DOCK3: variants seen among roughly 807,000 people sequenced by gnomAD.
DOCK3 encodes dedicator of cytokinesis 3, also known as dedicator of cytokinesis protein 3.
In DOCK3, 60 loss-of-function variants were observed where a neutral mutation model predicts 265.6. The ratio of observed to expected loss-of-function variants is 0.23; its 90% CI spans 0.18 to 0.28. The LOEUF (loss-of-function observed/expected upper bound fraction) is 0.28. Among genes scored for constraint, DOCK3 ranks in the 10% least tolerant of loss-of-function variants. The pLI is 1.00. For synonymous variants in DOCK3, 881 were observed against 938.0 expected (o/e 0.94, Z 1.11); for missense variants, 1,981 against 2,594.3 (o/e 0.76, Z 5.14).
intron 1 of DOCK3, among the ~76,000 whole-genome samples, chr3:50,763,200 C>CT (rs1332788027): frequency 6.6e-6 from 1 of 152,168 alleles, no homozygotes; most frequent in Non-Finnish European, 1.5e-5. Context: ...TCTGTCTGGT[C>CT]TTGGACCTGT....
intron 12 of DOCK3, among the ~76,000 whole-genome samples, chr3:51,197,778 G>A (rs1270090886): frequency 1.3e-5 from 2 of 152,112 alleles, no homozygotes; most frequent in Non-Finnish European, 2.9e-5. Context: ...ATAGAGGGTG[G>A]GGTCATTCTT....
At chr3:51,019,098 G>A (rs1473174955) in intron 5 of DOCK3, among the ~76,000 whole-genome samples, 2 of 151,750 alleles carry the variant, frequency 1.3e-5, no homozygotes. Flanking sequence ...GCTGTCAGTG[G>A]TGTCTTTGGT....
At chr3:50,883,326 G>T (rs1235298868) in intron 3 of DOCK3, among the ~76,000 whole-genome samples, 1 of 151,808 alleles carries the variant, frequency 6.6e-6, no homozygotes, top group Non-Finnish European at 1.5e-5. Context: ...ACAAGGAGAA[G>T]TTTTTTCTTT....
intron 1 of DOCK3, among the ~76,000 whole-genome samples, chr3:50,718,995 A>G (rs560171283): frequency 6.6e-6 from 1 of 152,036 alleles, no homozygotes; most frequent in African/African-American, 2.4e-5. Context: ...TGTGTTAGCC[A>G]GGATGGTCTC....
chr3:50,923,142 C>T (rs895513543), intron 4 of DOCK3, among the ~76,000 whole-genome samples: 3 of 152,100 alleles, frequency 2.0e-5, no homozygotes, highest in Non-Finnish European at 4.4e-5. Context: ...TATATATACA[C>T]CACAGTTTCT....
At chr3:51,111,130 G>A (rs147574143) in intron 9 of DOCK3, among the ~76,000 whole-genome samples, 26 of 152,274 alleles carry the variant, frequency 1.7e-4, no homozygotes, top group African/African-American at 6.3e-4. Flanking sequence ...TCAAGGAGGT[G>A]AGAGATCTCT....
intron 4 of DOCK3, among the ~76,000 whole-genome samples, chr3:50,916,181 T>C (rs983503862): frequency 6.6e-6 from 1 of 152,036 alleles, no homozygotes; most frequent in African/African-American, 2.4e-5. Flanking sequence ...TTTAAGTTCC[T>C]ATGAGGACTG....
At chr3:50,717,565 T>C (rs754496948) in intron 1 of DOCK3, among the ~76,000 whole-genome samples, 3 of 152,162 alleles carry the variant, frequency 2.0e-5, no homozygotes, top group Non-Finnish European at 4.4e-5. Context: ...ACCTACAGAA[T>C]AGTGTTTATT....
chr3:51,107,438 A>G (rs2083329904), intron 9 of DOCK3, among the ~76,000 whole-genome samples: 2 of 152,244 alleles, frequency 1.3e-5, no homozygotes, highest in African/African-American at 4.8e-5. Context: ...ACGTTGAAAC[A>G]CAATCTAAGG....
chr3:51,210,528 A>T lies in DOCK3; in HGVS notation c.1126+1666A>T, dbSNP rs199869948. Among the ~76,000 whole-genome samples, 5 of 152,142 alleles carry T rather than the reference A, an allele frequency of 3.3e-5. No individual in the cohort carries two copies. The East Asian group carries it at 9.6e-4, about 29-fold the overall frequency. ...GAGGAAACTGAAACTCAGCAAAATG[A>T]CTTAGTGGCTGAACAAGGATAGAAC... On this transcript the variant is annotated intron_variant, in intron 13 of 52. Transcript: ENST00000266037.
intron 3 of DOCK3, among the ~76,000 whole-genome samples, chr3:50,862,137 G>C (rs1300433926): frequency 1.3e-5 from 2 of 152,152 alleles, no homozygotes; most frequent in Non-Finnish European, 2.9e-5. Flanking sequence ...TCTTTTAGCA[G>C]TTGCTTGTCT....
intron 9 of DOCK3, among the ~76,000 whole-genome samples, chr3:51,136,754 C>T (rs1281132582): frequency 6.6e-6 from 1 of 152,088 alleles, no homozygotes; most frequent in Non-Finnish European, 1.5e-5. Flanking sequence ...TTGCATTATA[C>T]CAGTAGTTAC....
chr3:51,355,699 A>C (rs2086313946), intron 41 of DOCK3, among the ~76,000 whole-genome samples: 1 of 152,190 alleles, frequency 6.6e-6, no homozygotes, highest in African/African-American at 2.4e-5. Flanking sequence ...TTTATTTAAA[A>C]GTTGTTCTTC....
intron 3 of DOCK3, among the ~76,000 whole-genome samples, chr3:50,873,736 A>G (rs2107601220): frequency 6.6e-6 from 1 of 152,258 alleles, no homozygotes; most frequent in African/African-American, 2.4e-5. Flanking sequence ...GAGATCAGCT[A>G]TTCTCCTCTG....
chr3:50,809,857 T>G (rs2106737426), intron 2 of DOCK3, among the ~76,000 whole-genome samples: 1 of 152,268 alleles, frequency 6.6e-6, no homozygotes, highest in African/African-American at 2.4e-5. Context: ...TCAGGTGATA[T>G]TTGTCAGAGT....
At chr3:50,994,211 C>G (rs1239796320) in intron 5 of DOCK3, among the ~76,000 whole-genome samples, 1 of 152,146 alleles carries the variant, frequency 6.6e-6, no homozygotes, top group Non-Finnish European at 1.5e-5. Context: ...CAGCAACTTA[C>G]TGCATGTAGT....
chr3:51,205,837 G>C (rs1399104051), intron 12 of DOCK3, among the ~76,000 whole-genome samples: 1 of 152,182 alleles, frequency 6.6e-6, no homozygotes, highest in Admixed American at 6.5e-5. Context: ...ACAATAACTT[G>C]GCAGTTCTGC....
chr3:51,368,206 T>C (rs1308879856), intron 49 of DOCK3, among the ~76,000 whole-genome samples: 1 of 152,134 alleles, frequency 6.6e-6, no homozygotes, highest in Admixed American at 6.5e-5. Flanking sequence ...CTGGGTTCAT[T>C]TCACAGGGGC....
At chr3:50,796,459 C>A (rs981276596) in intron 2 of DOCK3, among the ~76,000 whole-genome samples, 1 of 152,146 alleles carries the variant, frequency 6.6e-6, no homozygotes, top group Admixed American at 6.5e-5. Context: ...CTGCCTCAGC[C>A]TCCCTAGTAG....
Sources: gnomAD v4.1 joint callset for allele counts (sites outside exome capture counted in the v4.1 genomes callset) on GRCh38, gnomAD v4.1.1 for gene constraint, MANE v1.5 for transcripts, NCBI Gene and HGNC (gene_info 2026-07-23, HGNC 2026-07-21) for gene names.